EPB41L4B: variants seen among roughly 807,000 people sequenced by gnomAD.
EPB41L4B encodes the protein erythrocyte membrane protein band 4.1 like 4B, also known as band 4.1-like protein 4B.
Under a neutral mutation model 112.5 loss-of-function variants are expected in EPB41L4B, and 30 were observed. The observed-to-expected ratio is 0.27, with a 90% confidence interval of 0.20 to 0.36. The LOEUF is 0.36. Among genes scored for constraint, EPB41L4B ranks in the 10% least tolerant of loss-of-function variants. The pLI, the probability that EPB41L4B is intolerant of heterozygous loss-of-function variation, is 1.00. For synonymous variants in EPB41L4B, 408 were observed against 439.7 expected (o/e 0.93, Z 0.90); for missense variants, 1,024 against 1,133.3 (o/e 0.90, Z 1.38).
chr9:109,213,277 T>C (rs1833246804), intron 17 of EPB41L4B, among the ~76,000 whole-genome samples: 1 of 152,260 alleles, frequency 6.6e-6, no homozygotes, highest in Non-Finnish European at 1.5e-5. Context: ...GCCTGGCTTC[T>C]GCCCTGTCTC....
chr9:109,197,829 A>AAC (rs1554743701), intron 20 of EPB41L4B, among the ~76,000 whole-genome samples: 1 of 151,578 alleles, frequency 6.6e-6, no homozygotes, highest in Non-Finnish European at 1.5e-5. Flanking sequence ...CAAAAAAAAA[A>AAC]AAAAACAAAA....
chr9:109,281,722 AAATT>A (rs66525536), intron 1 of EPB41L4B, among the ~76,000 whole-genome samples: 22,588 of 125,208 alleles, frequency 0.18, 2,136 homozygotes, highest in East Asian at 0.35. Flanking sequence ...ATAAATAAAT[AAATT>A]AATTAATTAA....
At chr9:109,186,825 A>G (rs1414911024) in intron 22 of EPB41L4B, among the ~76,000 whole-genome samples, 3 of 152,066 alleles carry the variant, frequency 2.0e-5, no homozygotes, top group African/African-American at 7.2e-5. Flanking sequence ...GCTCTTTGTT[A>G]TCTGTGTTCA....
At chr9:109,296,578 T>C (rs1836737896) in intron 1 of EPB41L4B, among the ~76,000 whole-genome samples, 1 of 152,148 alleles carries the variant, frequency 6.6e-6, no homozygotes, top group Non-Finnish European at 1.5e-5. Context: ...TTAGGTGGCA[T>C]GCCTATTTAC....
rs1835348665 is a variant in EPB41L4B, at chr9:109,265,018, C to T, written c.540G>A (p.Leu180=). ...TGTCATGCCTGAGTTGTAAAACAAA[C>T]AGGTACCTGACAAACATATACAAAA... ...NNLREEFTRY[L]FVLQLRHDIL... The change falls in exon 5 of 26, where the codon CTG becomes CTA. Residue 180 remains leucine, a synonymous_variant. Transcript: ENST00000374566. 1.2e-6 allele frequency: 2 copies of T among 1,605,310 alleles called. No homozygotes were observed. Among genetic ancestry groups the T allele is most frequent in the Non-Finnish European group, 1.7e-6 (2 of 1,178,006 alleles).
At chr9:109,288,953 TA>T (rs959960434) in intron 1 of EPB41L4B, among the ~76,000 whole-genome samples, 2 of 151,960 alleles carry the variant, frequency 1.3e-5, no homozygotes, top group Non-Finnish European at 2.9e-5. Context: ...CTGTTGTTTA[TA>T]ATTTACCCAA....
chr9:109,184,507 C>CTG (rs1428260916), intron 23 of EPB41L4B, among the ~76,000 whole-genome samples: 1 of 152,250 alleles, frequency 6.6e-6, no homozygotes, highest in African/African-American at 2.4e-5. Context: ...GCGTGAGCCA[C>CTG]TGTGCCCTGC....
intron 15 of EPB41L4B, among the ~76,000 whole-genome samples, chr9:109,228,228 T>C (rs1306465156): frequency 6.6e-6 from 1 of 152,258 alleles, no homozygotes; most frequent in African/African-American, 2.4e-5. Flanking sequence ...CTAAAAATCT[T>C]GAAAGATTAG....
intron 17 of EPB41L4B, among the ~76,000 whole-genome samples, chr9:109,208,307 G>A (rs896681189): frequency 1.3e-5 from 2 of 152,192 alleles, no homozygotes; most frequent in African/African-American, 4.8e-5. Flanking sequence ...GGCTTTTCCA[G>A]CATCATGGGG....
intron 16 of EPB41L4B, among the ~76,000 whole-genome samples, chr9:109,216,056 C>A (rs555639763): frequency 7.7e-4 from 117 of 152,346 alleles, no homozygotes; most frequent in African/African-American, 1.8e-3. Flanking sequence ...TACCTGACAC[C>A]ACTTTGCTCT....
chr9:109,209,522 G>A (rs565990576), intron 17 of EPB41L4B, among the ~76,000 whole-genome samples: 4 of 151,900 alleles, frequency 2.6e-5, no homozygotes, highest in Admixed American at 6.6e-5. Flanking sequence ...TTAAGAGGGC[G>A]TGGTGGCCCT....
rs186070895 is a variant in EPB41L4B, at chr9:109,284,554, G to A, written c.307-4633C>T. ...CAGCCTCCCCAGTAGCTAGGATTAC[G>A]GGCACACCCCACCACACTGGGCTAA... On this transcript the variant is annotated intron_variant, in intron 1 of 25. Transcript: ENST00000374566. 2.9e-4 allele frequency among the ~76,000 whole-genome samples: 44 copies of A among 152,238 alleles called. No individual in the cohort carries two copies. In the East Asian group the frequency reaches 6.0e-3, roughly 21 times the overall value.
rs538942850 is a variant in EPB41L4B at position 109,319,491 on chromosome 9, T to C, written c.306+650A>G. Among the ~76,000 whole-genome samples, 15 of 152,284 alleles carry C rather than the reference T, an allele frequency of 9.9e-5. 1 individual carries two copies. In the East Asian group the frequency reaches 2.9e-3, roughly 30 times the overall value. On this transcript the variant is annotated intron_variant, in intron 1 of 25. Transcript: ENST00000374566. ...GGTCTGAGACAGCCGACTCTAGAGT[T>C]AGCTCCCAAGTCACCCTACCCGCTG...
Position 109,320,820 on chromosome 9 carries a change from C to CCG in EPB41L4B, c.-375_-374insCG, listed in dbSNP as rs1837847967. ...TGCCGGGGGCGCGGGAGGCGGGCTG[C>CCG]GGGCTGCTCCCGCGCCGCGCGCCGG... is the stretch of plus-strand genomic sequence containing the variant. On this transcript the variant is annotated 5_prime_UTR_variant, in exon 1 of 26. Coordinates refer to ENST00000374566, the MANE Select transcript of EPB41L4B (RefSeq NM_019114.5). 6.9e-6 allele frequency: 1 copy of CCG among 145,198 alleles called. No individual in the cohort carries two copies. The highest frequency in any genetic ancestry group is 1.5e-5 in the Non-Finnish European group (1 of 65,432). 9.0% of individuals were successfully genotyped at this position (145,198 alleles called of 1,614,324 possible). A position where few individuals can be genotyped will look rare whatever the true frequency, so the allele number is the denominator to read the frequency against.
At chr9:109,303,293 A>C (rs1486626453) in intron 1 of EPB41L4B, among the ~76,000 whole-genome samples, 1 of 152,102 alleles carries the variant, frequency 6.6e-6, no homozygotes, top group Non-Finnish European at 1.5e-5. Flanking sequence ...AATAATTCCT[A>C]AACATTATCA....
intron 17 of EPB41L4B, among the ~76,000 whole-genome samples, chr9:109,213,474 G>GT (rs1833251958): frequency 6.6e-6 from 1 of 152,194 alleles, no homozygotes; most frequent in Non-Finnish European, 1.5e-5. Context: ...GATCTAGCCT[G>GT]TCAGGCAAAA....
At chr9:109,266,898 G>C (rs1835420250) in intron 4 of EPB41L4B, among the ~76,000 whole-genome samples, 1 of 150,488 alleles carries the variant, frequency 6.6e-6, no homozygotes, top group Non-Finnish European at 1.5e-5. Flanking sequence ...GAACCCAGGA[G>C]GTGGAGGCTG....
rs371596626 is a variant in EPB41L4B, at chr9:109,193,835, G to A, written c.2223+385C>T. ...CACCGGCTATATGACATAAGGGAAG[G>A]GATGGGGACACTTCTATGTTTTTGC... On this transcript the variant is annotated intron_variant, in intron 21 of 25. Coordinates refer to ENST00000374566, the MANE Select transcript of EPB41L4B (RefSeq NM_019114.5). 2.0e-5 allele frequency among the ~76,000 whole-genome samples: 3 copies of A among 152,174 alleles called. 1 individual carries two copies. Among genetic ancestry groups the A allele is most frequent in the Non-Finnish European group, 4.4e-5 (3 of 68,040 alleles).
intron 2 of EPB41L4B, among the ~76,000 whole-genome samples, chr9:109,277,196 G>A (rs566710437): frequency 4.8e-4 from 73 of 152,064 alleles, no homozygotes; most frequent in African/African-American, 1.7e-3. Flanking sequence ...AGAGTGGCAG[G>A]TGCTGGAAAC....
Sources: gnomAD v4.1 joint callset for allele counts (sites outside exome capture counted in the v4.1 genomes callset) on GRCh38, gnomAD v4.1.1 for gene constraint, MANE v1.5 for transcripts, NCBI Gene and HGNC (gene_info 2026-07-23, HGNC 2026-07-21) for gene names.